The following ADAMTS20 variants were observed in gnomAD, a reference collection of about 807,000 sequenced individuals.
ADAMTS20 encodes the protein ADAM metallopeptidase with thrombospondin type 1 motif 20.
In ADAMTS20, 225 loss-of-function variants were observed where a neutral mutation model predicts 260.1. That is an observed-to-expected ratio of 0.87 (90% CI 0.78 to 0.97). ADAMTS20 has a LOEUF of 0.97. Ranked by LOEUF, ADAMTS20 falls within the 50% of genes least tolerant of loss-of-function variation. The pLI is 0.00. For missense variants in ADAMTS20, 2,400 were observed against 2,337.7 expected (o/e 1.03, Z -0.55); for synonymous variants, 802 against 769.5 (o/e 1.04, Z -0.70).
At chr12:43,382,569 T>G (rs1275991057) in intron 31 of ADAMTS20, among the ~76,000 whole-genome samples, 1 of 152,128 alleles carries the variant, frequency 6.6e-6, no homozygotes, top group East Asian at 1.9e-4. Flanking sequence ...TGGTGATGCT[T>G]GCACATACAG....
intron 29 of ADAMTS20, among the ~76,000 whole-genome samples, chr12:43,393,806 C>T (rs1940645149): frequency 6.6e-6 from 1 of 152,000 alleles, no homozygotes; most frequent in South Asian, 2.1e-4. Flanking sequence ...CCTAATTTCT[C>T]TTTCATTATG....
chr12:43,389,179 C>T (rs916182803), intron 29 of ADAMTS20, among the ~76,000 whole-genome samples: 1 of 152,140 alleles, frequency 6.6e-6, no homozygotes, highest in African/African-American at 2.4e-5. Context: ...TCTATAAAGT[C>T]CAGACTCTCA....
chr12:43,420,866 G>A (rs970526201), intron 28 of ADAMTS20, among the ~76,000 whole-genome samples: 51 of 130,744 alleles, frequency 3.9e-4, no homozygotes, highest in African/African-American at 1.5e-3. Context: ...GGAATGCAGT[G>A]GCACCATCTC....
At chr12:43,423,726 C>G (rs760764710) in intron 28 of ADAMTS20, 6 of 702,102 alleles carry the variant, frequency 8.5e-6, no homozygotes, top group South Asian at 4.4e-5. Flanking sequence ...TTCAAATCTC[C>G]CCAAGTAAAC....
chr12:43,464,308 T>C (rs559249672), intron 10 of ADAMTS20, among the ~76,000 whole-genome samples: 1 of 152,124 alleles, frequency 6.6e-6, no homozygotes, highest in Non-Finnish European at 1.5e-5. Flanking sequence ...ATTTCAATGA[T>C]TTTATTTTCA....
intron 28 of ADAMTS20, among the ~76,000 whole-genome samples, chr12:43,422,422 T>G (rs1317625168): frequency 1.3e-5 from 2 of 151,998 alleles, no homozygotes; most frequent in African/African-American, 4.8e-5. Flanking sequence ...TTGTCTAATA[T>G]GCACCAACAC....
intron 3 of ADAMTS20, among the ~76,000 whole-genome samples, chr12:43,523,945 G>C (rs114837121): frequency 0.015 from 2,274 of 150,942 alleles, 51 homozygotes; most frequent in African/African-American, 0.051. Context: ...CATCACCCAA[G>C]AAACCAGAGT....
intron 31 of ADAMTS20, among the ~76,000 whole-genome samples, chr12:43,382,922 A>G (rs1433602406): frequency 9.2e-5 from 14 of 152,130 alleles, no homozygotes; most frequent in Admixed American, 7.2e-4. Flanking sequence ...ACAATAAAAG[A>G]AAAAACTATT....
chr12:43,397,572 A>C (rs1444722588), intron 29 of ADAMTS20, among the ~76,000 whole-genome samples: 2 of 152,202 alleles, frequency 1.3e-5, no homozygotes, highest in Non-Finnish European at 2.9e-5. Flanking sequence ...GGAGGCAAGG[A>C]AAAAGGATAA....
Position 43,425,670 on chromosome 12 carries a change from T to C in ADAMTS20, c.4128A>G (p.Gly1376=). The C allele has an allele frequency of 6.2e-7, 1 of 1,601,046 alleles. No individual in the cohort carries two copies. The highest frequency in any genetic ancestry group is 8.5e-7 in the Non-Finnish European group (1 of 1,171,776). Residue 1376 remains glycine, a synonymous_variant, in exon 28 of 39, where the codon GGA becomes GGG. Transcript: ENST00000389420. Reference sequence around the variant, plus strand: ...ATATTACAAGTCTTGATTTTATTCCTCCTCCACATGTTTGTGAACACTAAA... The same window carrying C: ...ATATTACAAGTCTTGATTTTATTCCCCCTCCACATGTTTGTGAACACTAAA... ...NWGECSQTCG[G]GIKSRLVICQ...
At chr12:43,486,380 G>A (rs1942523382) in intron 7 of ADAMTS20, among the ~76,000 whole-genome samples, 1 of 152,112 alleles carries the variant, frequency 6.6e-6, no homozygotes, top group African/African-American at 2.4e-5. Context: ...GCCACATGTA[G>A]AAGAATGAAA....
chr12:43,538,008 A>G (rs1429576417), intron 2 of ADAMTS20, among the ~76,000 whole-genome samples: 1 of 152,080 alleles, frequency 6.6e-6, no homozygotes. Flanking sequence ...CAATATCCTG[A>G]TTTCCTTTCA....
intron 11 of ADAMTS20, among the ~76,000 whole-genome samples, chr12:43,458,075 G>C (rs745579617): frequency 1.3e-5 from 2 of 152,178 alleles, no homozygotes; most frequent in Non-Finnish European, 2.9e-5. Flanking sequence ...GGCACAGCTT[G>C]TTTTTATACA....
intron 3 of ADAMTS20, among the ~76,000 whole-genome samples, chr12:43,516,873 A>C (rs1943006465): frequency 6.6e-6 from 1 of 152,102 alleles, no homozygotes; most frequent in Non-Finnish European, 1.5e-5. Flanking sequence ...TCAAACCAAG[A>C]CTGGCAAAAA....
chr12:43,377,010 T>G (rs1024494142), intron 32 of ADAMTS20, among the ~76,000 whole-genome samples: 14 of 152,230 alleles, frequency 9.2e-5, no homozygotes, highest in Non-Finnish European at 1.5e-4. Flanking sequence ...TTCTATCAAT[T>G]AAATTGGAAA....
At chr12:43,514,560 CAAAAAAAAAAAAAAAAAAAA>C (rs58435633) in intron 3 of ADAMTS20, among the ~76,000 whole-genome samples, 11 of 63,656 alleles carry the variant, frequency 1.7e-4, no homozygotes, top group East Asian at 1.2e-3. Flanking sequence ...GACTCTATCT[CAAAAAAAAAAAAAAAAAAAA>C]AAAAAAAAAA....
rs1468868360 is a variant in ADAMTS20 at position 43,451,446 on chromosome 12, C to G, written c.2079+828G>C. On this transcript the variant is annotated intron_variant, in intron 14 of 38. Transcript: ENST00000389420. ...CCAATATGCAAATCGAATCACATCT[C>G]TCCCTTGACTTCAAATGCTTCTATG... Among the ~76,000 whole-genome samples the G allele has an allele frequency of 3.3e-5, 5 of 151,812 alleles. No homozygotes were observed. The East Asian group carries it at 9.8e-4, about 30-fold the overall frequency.
chr12:43,509,518 A>T (rs1942893602), intron 3 of ADAMTS20, among the ~76,000 whole-genome samples: 1 of 152,128 alleles, frequency 6.6e-6, no homozygotes, highest in Non-Finnish European at 1.5e-5. Flanking sequence ...TTGTCACTGT[A>T]AGTAAGGAAA....
intron 28 of ADAMTS20, among the ~76,000 whole-genome samples, chr12:43,418,002 T>C (rs1941163233): frequency 6.6e-6 from 1 of 152,222 alleles, no homozygotes; most frequent in South Asian, 2.1e-4. Context: ...CTACAACTGC[T>C]GCTGCTGCTG....
Sources: allele counts gnomAD v4.1 joint callset (sites outside exome capture counted in the v4.1 genomes callset), GRCh38; gene constraint gnomAD v4.1.1; transcripts MANE v1.5; gene names NCBI Gene and HGNC (gene_info 2026-07-23, HGNC 2026-07-21).